The following SIDT1 variants were observed in gnomAD, a reference collection of about 807,000 sequenced individuals.
SIDT1 encodes the protein SID1 transmembrane family, member 1.
A neutral mutation model predicts 107.5 loss-of-function variants in SIDT1; 101 were observed. The ratio of observed to expected loss-of-function variants is 0.94; its 90% CI spans 0.80 to 1.11. SIDT1 has a LOEUF of 1.11. Ranked by LOEUF, SIDT1 falls within the 50% of genes least tolerant of loss-of-function variation. The probability of loss-of-function intolerance (pLI) is 0.00; values close to 1 mark genes in which losing one functional copy is unlikely to be tolerated. For missense variants in SIDT1, 1,076 were observed against 1,058.2 expected, an observed-to-expected ratio of 1.02 and a Z score of -0.23; for synonymous variants, 395 against 398.2, an observed-to-expected ratio of 0.99 and a Z score of 0.10.
intron 1 of SIDT1, among the ~76,000 whole-genome samples, chr3:113,564,828 A>G (rs1231145627): frequency 1.3e-5 from 2 of 152,238 alleles, no homozygotes; most frequent in Non-Finnish European, 2.9e-5. Flanking sequence ...TTTCAGCTGC[A>G]GCATAATTTC....
intron 5 of SIDT1, among the ~76,000 whole-genome samples, chr3:113,581,139 A>T (rs1442669888): frequency 6.6e-6 from 1 of 152,142 alleles, no homozygotes; most frequent in Non-Finnish European, 1.5e-5. Context: ...ATATTTTTAT[A>T]GTTCTCTTCA....
chr3:113,607,334 G>A (rs1224779977), intron 15 of SIDT1, among the ~76,000 whole-genome samples: 1 of 152,196 alleles, frequency 6.6e-6, no homozygotes, highest in East Asian at 1.9e-4. Flanking sequence ...CTGAGATGAG[G>A]GCAGTGACAT....
chr3:113,545,420 C>T (rs543956323), intron 1 of SIDT1, among the ~76,000 whole-genome samples: 1 of 152,112 alleles, frequency 6.6e-6, no homozygotes, highest in East Asian at 1.9e-4. Context: ...CCAATTATTG[C>T]TTTCATTTAC....
intron 17 of SIDT1, among the ~76,000 whole-genome samples, chr3:113,609,182 C>T (rs1309942759): frequency 6.6e-6 from 1 of 151,146 alleles, no homozygotes; most frequent in Non-Finnish European, 1.5e-5. Flanking sequence ...CATCCCTCAG[C>T]CTCCCCAGTA....
chr3:113,552,144 A>G (rs77336279), intron 1 of SIDT1, among the ~76,000 whole-genome samples: 2 of 152,158 alleles, frequency 1.3e-5, no homozygotes, highest in South Asian at 4.1e-4. Flanking sequence ...AAAAGTTAAC[A>G]TTTGAGTGTC....
chr3:113,593,154 C>A, intron 10 of SIDT1, 106 bp downstream of exon 10: 1 of 937,264 alleles, frequency 1.1e-6, no homozygotes, highest in Non-Finnish European at 1.8e-6. Flanking sequence ...ACAAACCCTC[C>A]CTTGATTCCT....
At chr3:113,634,986 A>G in the SIDT1 span, among the ~76,000 whole-genome samples, 2 of 152,224 alleles carry the variant, frequency 1.3e-5, no homozygotes, top group Non-Finnish European at 2.9e-5. Flanking sequence ...TATAAGGACT[A>G]TTGCTTCAGG....
At chr3:113,599,244 T>C (rs1001596752) in intron 10 of SIDT1, among the ~76,000 whole-genome samples, 2 of 152,194 alleles carry the variant, frequency 1.3e-5, no homozygotes, top group Non-Finnish European at 2.9e-5. Flanking sequence ...ACCCAGGGGT[T>C]CCATGAGACT....
In SIDT1 at chr3:113,611,097, G is replaced by A. The variant is rs1277619936; in HGVS notation, c.1810G>A (p.Ala604Thr). Residue 604 changes from alanine to threonine, a missense_variant, in exon 18 of 25, where the codon GCC becomes ACC. Transcript: ENST00000264852. ...HPDINASAYS[A>T]YASFAVVIMV... ...AGACATCAATGCCAGCGCCTACTCT[G>A]CCTATGCCTCCTTTGCTGTGGTCAT... The A allele has an allele frequency of 6.2e-7, 1 of 1,613,992 alleles. No homozygotes were observed. Among genetic ancestry groups the A allele is most frequent in the Non-Finnish European group, 8.5e-7 (1 of 1,179,968 alleles).
At chr3:113,601,706 G>T in intron 11 of SIDT1, 47 bp downstream of exon 11, 1 of 1,407,020 alleles carries the variant, frequency 7.1e-7, no homozygotes. Context: ...TAATTCTGCA[G>T]AGAATATGAT....
chr3:113,590,087 C>T (rs1304645185), intron 9 of SIDT1: 2 of 152,304 alleles, frequency 1.3e-5, no homozygotes, highest in Non-Finnish European at 2.9e-5. Context: ...GGAGAAGCTG[C>T]TTTAGATTAG....
chr3:113,541,245 C>T (rs1488198961), intron 1 of SIDT1, among the ~76,000 whole-genome samples: 1 of 152,128 alleles, frequency 6.6e-6, no homozygotes, highest in South Asian at 2.1e-4. Context: ...TCTCTGCTCA[C>T]TGCAACCTCT....
Position 113,608,131 on chromosome 3 carries a change from C to T in SIDT1, c.1516C>T (p.Leu506Phe), listed in dbSNP as rs1945469360. The T allele has an allele frequency of 1.9e-6, 3 of 1,612,424 alleles. No homozygotes were observed. Among genetic ancestry groups the T allele is most frequent in the Admixed American group, 1.7e-5 (1 of 59,654 alleles). The change falls in exon 16 of 25, where the codon CTT (leucine) becomes TTT (phenylalanine). Residue 506 changes from leucine (L) to phenylalanine (F), a missense_variant. By Grantham distance (22) the Leu-to-Phe change is conservative. Coordinates refer to ENST00000264852, the MANE Select transcript of SIDT1 (RefSeq NM_017699.3). The part of the protein sequence containing the change: ...NNILSNLGHV[L>F]LGFLFLLIVL... ...CATTCTCAGCAATCTGGGCCACGTG[C>T]TTCTGGGCTTCCTCTTCCTGCTGAT...
chr3:113,610,618 T>A (rs1201830094), intron 17 of SIDT1, among the ~76,000 whole-genome samples: 8 of 152,256 alleles, frequency 5.3e-5, no homozygotes, highest in Non-Finnish European at 1.2e-4. Flanking sequence ...GGGCTCATTT[T>A]ATGGTCACAC....
At chr3:113,601,978 A>G in intron 11 of SIDT1, 1 of 228,162 alleles carries the variant, frequency 4.4e-6, no homozygotes, top group Non-Finnish European at 8.6e-6. Flanking sequence ...GATGTGTCCC[A>G]GGGAGCCTGA....
chr3:113,553,861 C>T (rs1230116412), intron 1 of SIDT1, among the ~76,000 whole-genome samples: 1 of 152,164 alleles, frequency 6.6e-6, no homozygotes, highest in East Asian at 1.9e-4. Flanking sequence ...ACCTGACCAA[C>T]ATGGTGAAAC....
At chr3:113,552,663 A>G (rs1324306279) in intron 1 of SIDT1, among the ~76,000 whole-genome samples, 1 of 152,262 alleles carries the variant, frequency 6.6e-6, no homozygotes, top group East Asian at 1.9e-4. Flanking sequence ...CTCCACTGCC[A>G]CTAGATATGG....
At chr3:113,571,486 G>GCGCACACACACACA (rs1553789357) in intron 3 of SIDT1, among the ~76,000 whole-genome samples, 24 of 148,852 alleles carry the variant, frequency 1.6e-4, no homozygotes, top group African/African-American at 5.9e-4. Context: ...CCTATCCTCT[G>GCGCACACACACACA]CACACACACA....
chr3:113,585,312 T>C, intron 9 of SIDT1, 42 bp downstream of exon 9: 1 of 1,431,906 alleles, frequency 7.0e-7, no homozygotes, highest in Non-Finnish European at 9.9e-7. Context: ...CCTGTGCCTG[T>C]CTCTGTGTAA....
Sources: gnomAD v4.1 joint callset for allele counts (sites outside exome capture counted in the v4.1 genomes callset) on GRCh38, gnomAD v4.1.1 for gene constraint, MANE v1.5 for transcripts, NCBI Gene and HGNC (gene_info 2026-07-23, HGNC 2026-07-21) for gene names.